The following CRACD variants were observed in gnomAD, a reference collection of about 807,000 sequenced individuals.
CRACD encodes the protein capping protein-inhibiting regulator of actin dynamics.
In CRACD, 56 loss-of-function variants were observed where a neutral mutation model predicts 106.8. That is an observed-to-expected ratio of 0.52 (90% CI 0.42 to 0.66). The LOEUF (loss-of-function observed/expected upper bound fraction) is 0.66, where lower values mean the gene tolerates loss of function less well. Ranked by LOEUF, CRACD falls within the 30% of genes least tolerant of loss-of-function variation. The pLI, the probability that CRACD is intolerant of heterozygous loss-of-function variation, is 0.00. For missense variants in CRACD, 1,730 were observed against 1,623.2 expected, an observed-to-expected ratio of 1.07 and a Z score of -1.13; for synonymous variants, 754 against 670.8, an observed-to-expected ratio of 1.12 and a Z score of -1.92.
chr4:56,161,228 A>G (rs960878215), intron 1 of CRACD, among the ~76,000 whole-genome samples: 4 of 152,180 alleles, frequency 2.6e-5, no homozygotes, highest in African/African-American at 9.7e-5. Flanking sequence ...ATCAGAAAGG[A>G]CTAAAATAAT....
intron 2 of CRACD, among the ~76,000 whole-genome samples, chr4:56,265,279 G>C (rs1741941363): frequency 6.6e-6 from 1 of 152,170 alleles, no homozygotes; most frequent in African/African-American, 2.4e-5. Context: ...ATGGGATTCA[G>C]GCCATTGTTG....
At chr4:56,162,277 C>T (rs1045099912) in intron 1 of CRACD, among the ~76,000 whole-genome samples, 8 of 152,120 alleles carry the variant, frequency 5.3e-5, no homozygotes, top group African/African-American at 1.7e-4. Flanking sequence ...TCACTGTAAC[C>T]TCTAACTCCT....
At chr4:56,178,955 G>C (rs935384031) in intron 1 of CRACD, among the ~76,000 whole-genome samples, 2 of 152,186 alleles carry the variant, frequency 1.3e-5, no homozygotes, top group African/African-American at 4.8e-5. Context: ...GTGTCTTCTA[G>C]CTTCTTGAAT....
At chr4:56,148,443 G>A (rs1437746843) in intron 1 of CRACD, among the ~76,000 whole-genome samples, 1 of 152,014 alleles carries the variant, frequency 6.6e-6, no homozygotes, top group Non-Finnish European at 1.5e-5. Flanking sequence ...GGTGTGTATC[G>A]CCATGCCTGG....
intron 4 of CRACD, 89 bp downstream of exon 4, chr4:56,298,438 A>T (rs577962455): frequency 5.3e-6 from 8 of 1,515,570 alleles, no homozygotes; most frequent in Non-Finnish European, 6.3e-6. Flanking sequence ...GGCCTTGAGT[A>T]ATGGATTGGG....
chr4:56,299,601 C>T (rs929440970), intron 4 of CRACD, among the ~76,000 whole-genome samples: 50 of 150,978 alleles, frequency 3.3e-4, no homozygotes, highest in African/African-American at 1.0e-3. Context: ...GCCCAGGAAG[C>T]AGAGGTTGCA....
chr4:56,130,578 C>T (rs1734793083), intron 1 of CRACD, among the ~76,000 whole-genome samples: 1 of 151,992 alleles, frequency 6.6e-6, no homozygotes, highest in South Asian at 2.1e-4. Context: ...TCTATAATTT[C>T]TCTTATTTAT....
intron 1 of CRACD, among the ~76,000 whole-genome samples, chr4:56,093,521 G>A (rs181228490): frequency 3.9e-5 from 6 of 152,296 alleles, no homozygotes; most frequent in African/African-American, 1.4e-4. Context: ...TGGGCACATG[G>A]AACCTGGCCT....
intron 2 of CRACD, among the ~76,000 whole-genome samples, chr4:56,192,775 A>AAAGG (rs1737435820): frequency 6.6e-6 from 1 of 152,188 alleles, no homozygotes; most frequent in Non-Finnish European, 1.5e-5. Flanking sequence ...CCTTTTCCTG[A>AAAGG]TCTGAAAAAA....
At chr4:56,304,312 CTTTTTTT>C (rs10551073) in intron 4 of CRACD, among the ~76,000 whole-genome samples, 3 of 127,970 alleles carry the variant, frequency 2.3e-5, no homozygotes, top group African/African-American at 8.6e-5. Context: ...GTTCTTATTC[CTTTTTTT>C]TTTTTTTTTT....
intron 2 of CRACD, among the ~76,000 whole-genome samples, chr4:56,219,386 C>T (rs1051482891): frequency 1.3e-5 from 2 of 152,146 alleles, no homozygotes; most frequent in Admixed American, 1.3e-4. Flanking sequence ...CTTGCTCTTT[C>T]GCCCAGGCTG....
At chr4:56,140,866 CCTGGGTATATCCCAACT>C (rs1735170853) in intron 1 of CRACD, among the ~76,000 whole-genome samples, 1 of 152,180 alleles carries the variant, frequency 6.6e-6, no homozygotes, top group African/African-American at 2.4e-5. Flanking sequence ...AAAACTAAAC[CCTGGGTATATCCCAACT>C]CTTGGCTTTC....
chr4:56,121,500 C>T (rs958095333), intron 1 of CRACD, among the ~76,000 whole-genome samples: 12 of 151,992 alleles, frequency 7.9e-5, no homozygotes, highest in Non-Finnish European at 1.0e-4. Flanking sequence ...AAAAATTAGC[C>T]GGGAGTGATG....
intron 1 of CRACD, among the ~76,000 whole-genome samples, chr4:56,054,387 G>A (rs1731983290): frequency 6.6e-6 from 1 of 152,034 alleles, no homozygotes; most frequent in Non-Finnish European, 1.5e-5. Flanking sequence ...TGTTTCCTAG[G>A]CTGGTCATGA....
In CRACD at chr4:56,304,956, A is replaced by G. The variant is rs1007072923; in HGVS notation, c.121-2579A>G. Among the ~76,000 whole-genome samples, 6 of 152,160 alleles carry G rather than the reference A, an allele frequency of 3.9e-5. No individual in the cohort carries two copies. In the South Asian group the frequency reaches 8.3e-4, roughly 21 times the overall value. On this transcript the variant is annotated intron_variant, in intron 4 of 10. Transcript: ENST00000682029. ...CCTTTCCAGCGGGGTGCAGTGGTTCATACCTGTAATCCCAGCACCTTGGGA... is the reference window on the plus strand; with the variant it reads ...CCTTTCCAGCGGGGTGCAGTGGTTCGTACCTGTAATCCCAGCACCTTGGGA...
chr4:56,194,138 GCAAGA>G (rs1234909220), intron 2 of CRACD, among the ~76,000 whole-genome samples: 1 of 152,138 alleles, frequency 6.6e-6, no homozygotes, highest in Admixed American at 6.5e-5. Context: ...AAAGTCACAG[GCAAGA>G]CTTTGCAGTA....
At chr4:56,058,991 A>C (rs896022060) in intron 1 of CRACD, among the ~76,000 whole-genome samples, 13 of 152,178 alleles carry the variant, frequency 8.5e-5, no homozygotes, top group African/African-American at 3.1e-4. Flanking sequence ...GGTTTATAAA[A>C]ATATTTACAG....
intron 2 of CRACD, among the ~76,000 whole-genome samples, chr4:56,261,361 CTTT>C (rs369710516): frequency 7.1e-6 from 1 of 141,066 alleles, no homozygotes; most frequent in Non-Finnish European, 1.5e-5. Context: ...TCTTCTTCTT[CTTT>C]TTTTTTTTTT....
chr4:56,171,847 C>T (rs545563253), intron 1 of CRACD, among the ~76,000 whole-genome samples: 1 of 152,126 alleles, frequency 6.6e-6, no homozygotes, highest in Non-Finnish European at 1.5e-5. Flanking sequence ...TCCATGTGCT[C>T]ATGGTTTCAG....
Sources: allele counts gnomAD v4.1 joint callset (sites outside exome capture counted in the v4.1 genomes callset), GRCh38; gene constraint gnomAD v4.1.1; transcripts MANE v1.5; gene names NCBI Gene and HGNC (gene_info 2026-07-23, HGNC 2026-07-21).